The following GBE1 variants were observed in gnomAD, a reference collection of about 807,000 sequenced individuals.
GBE1 encodes 1,4-alpha-glucan branching enzyme 1.
GBE1 carries 70 observed loss-of-function variants against 88.8 expected under a neutral mutation model. The observed-to-expected ratio is 0.79, with a 90% CI of 0.65 to 0.96. The LOEUF is 0.96. Ranked by LOEUF, GBE1 falls within the 40% of genes least tolerant of loss-of-function variation. GBE1 has a pLI of 0.00. For synonymous variants in GBE1, 284 were observed against 300.1 expected (o/e 0.95, Z 0.56); for missense variants, 872 against 871.0 (o/e 1.00, Z -0.01).
At chr3:81,760,152 C>T (rs921605388) in intron 1 of GBE1, among the ~76,000 whole-genome samples, 1 of 152,146 alleles carries the variant, frequency 6.6e-6, no homozygotes, top group Admixed American at 6.5e-5. Flanking sequence ...AGAGCATAAT[C>T]ATCTGATTAA....
At chr3:81,558,488 C>A (rs1703377732) in intron 12 of GBE1, among the ~76,000 whole-genome samples, 1 of 151,934 alleles carries the variant, frequency 6.6e-6, no homozygotes, top group Admixed American at 6.6e-5. Flanking sequence ...CAGAAAATAG[C>A]AAAATGTCTG....
intron 11 of GBE1, among the ~76,000 whole-genome samples, chr3:81,579,614 T>C (rs1703693465): frequency 6.6e-6 from 1 of 152,176 alleles, no homozygotes; most frequent in Admixed American, 6.6e-5. Context: ...TTTATGCATA[T>C]ATTTTAATTT....
intron 2 of GBE1, among the ~76,000 whole-genome samples, chr3:81,673,200 G>T (rs1188707832): frequency 2.0e-5 from 3 of 151,770 alleles, no homozygotes; most frequent in South Asian, 4.1e-4. Flanking sequence ...CTAGGTACTA[G>T]AACACTATAT....
intron 14 of GBE1, among the ~76,000 whole-genome samples, chr3:81,530,377 G>A (rs1314893727): frequency 2.0e-5 from 3 of 151,660 alleles, no homozygotes; most frequent in Admixed American, 6.6e-5. Flanking sequence ...CTGGAAGGTC[G>A]TGATGTTTGT....
At chr3:81,702,128 T>C (rs879308495) in intron 2 of GBE1, among the ~76,000 whole-genome samples, 6 of 147,518 alleles carry the variant, frequency 4.1e-5, no homozygotes, top group African/African-American at 1.5e-4. Flanking sequence ...TGTGTGTGTG[T>C]GTGTGTGTGT....
chr3:81,710,340 T>C (rs1479195499), intron 1 of GBE1, among the ~76,000 whole-genome samples: 1 of 146,448 alleles, frequency 6.8e-6, no homozygotes, highest in Admixed American at 6.9e-5. Context: ...GTTCACGCCA[T>C]TCTCCTGCCT....
chr3:81,725,546 C>T (rs1163860490), intron 1 of GBE1, among the ~76,000 whole-genome samples: 2 of 152,076 alleles, frequency 1.3e-5, no homozygotes, highest in African/African-American at 2.4e-5. Context: ...AGTAGTAGTA[C>T]ACTGTAAAAT....
intron 9 of GBE1, among the ~76,000 whole-genome samples, chr3:81,587,847 C>T (rs1703821216): frequency 2.0e-5 from 3 of 152,076 alleles, no homozygotes; most frequent in Non-Finnish European, 4.4e-5. Flanking sequence ...TATGAAATGA[C>T]CATGTGATGT....
At chr3:81,528,352 G>A (rs922128690) in intron 14 of GBE1, among the ~76,000 whole-genome samples, 3 of 151,894 alleles carry the variant, frequency 2.0e-5, no homozygotes, top group Non-Finnish European at 4.4e-5. Flanking sequence ...TTATGCACAT[G>A]TACCCTAAAC....
intron 1 of GBE1, among the ~76,000 whole-genome samples, chr3:81,735,488 G>A (rs888034036): frequency 2.0e-5 from 3 of 152,120 alleles, no homozygotes; most frequent in Non-Finnish European, 4.4e-5. Context: ...ATGCATTCAG[G>A]AAGTGGGAAA....
intron 2 of GBE1, among the ~76,000 whole-genome samples, chr3:81,678,766 A>G (rs572865550): frequency 2.0e-5 from 3 of 152,166 alleles, no homozygotes; most frequent in East Asian, 3.8e-4. Context: ...GGAAAACTTA[A>G]TAAGTTAAAA....
At chr3:81,629,021 T>TTA (rs1267692032) in intron 7 of GBE1, among the ~76,000 whole-genome samples, 3 of 141,184 alleles carry the variant, frequency 2.1e-5, no homozygotes, top group African/African-American at 8.0e-5. Context: ...TGTTTAAGTT[T>TTA]TTTTTTTTTT....
chr3:81,537,883 C>G (rs1297961231), intron 12 of GBE1, among the ~76,000 whole-genome samples: 1 of 151,888 alleles, frequency 6.6e-6, no homozygotes, highest in African/African-American at 2.4e-5. Context: ...CTATAATGAT[C>G]AGAACCAGAA....
chr3:81,564,624 A>C (rs770598617), intron 12 of GBE1, among the ~76,000 whole-genome samples: 3 of 152,148 alleles, frequency 2.0e-5, no homozygotes, highest in Non-Finnish European at 4.4e-5. Flanking sequence ...TACATAAGCA[A>C]TGTTCTCTAA....
At chr3:81,737,359 T>TTTTA (rs1559703700) in intron 1 of GBE1, among the ~76,000 whole-genome samples, 9 of 38,262 alleles carry the variant, frequency 2.4e-4, no homozygotes, top group East Asian at 1.1e-3. Context: ...AAATATATAT[T>TTTTA]TATATATTTA....
chr3:81,494,162 C>T (rs1334496301), intron 15 of GBE1, among the ~76,000 whole-genome samples: 1 of 152,124 alleles, frequency 6.6e-6, no homozygotes, highest in Non-Finnish European at 1.5e-5. Flanking sequence ...GTATAGGCAA[C>T]ATGGAAGAAT....
chr3:81,505,486 T>G (rs1265511609), intron 14 of GBE1, among the ~76,000 whole-genome samples: 2 of 152,118 alleles, frequency 1.3e-5, no homozygotes, highest in African/African-American at 4.8e-5. Context: ...TGAATTTTAT[T>G]TATTGCTGGT....
chr3:81,523,958 G>C (rs2106850473), intron 14 of GBE1, among the ~76,000 whole-genome samples: 1 of 151,798 alleles, frequency 6.6e-6, no homozygotes, highest in African/African-American at 2.4e-5. Flanking sequence ...TACAATAAAA[G>C]AGGAGCGCAA....
intron 14 of GBE1, among the ~76,000 whole-genome samples, chr3:81,502,932 A>G (rs906496334): frequency 6.6e-6 from 1 of 152,222 alleles, no homozygotes; most frequent in Non-Finnish European, 1.5e-5. Flanking sequence ...AAATAAATTT[A>G]GCAGGACACC....
Sources: gnomAD v4.1 joint callset for allele counts (sites outside exome capture counted in the v4.1 genomes callset) on GRCh38, gnomAD v4.1.1 for gene constraint, MANE v1.5 for transcripts, NCBI Gene and HGNC (gene_info 2026-07-23, HGNC 2026-07-21) for gene names.